The following APOC1 variants were observed in gnomAD, a reference collection of about 807,000 sequenced individuals.
The protein encoded by APOC1 is apolipoprotein C-I.
Under a neutral mutation model 6.7 loss-of-function variants are expected in APOC1, and 4 were observed. The ratio of observed to expected loss-of-function variants is 0.60; its 90% CI spans 0.29 to 1.37. The LOEUF (loss-of-function observed/expected upper bound fraction) is 1.37, where lower values mean the gene tolerates loss of function less well. Among genes scored for constraint, APOC1 ranks in the 40% most tolerant of loss-of-function variants. The pLI, the probability that APOC1 is intolerant of heterozygous loss-of-function variation, is 0.09. For synonymous variants in APOC1, 33 were observed against 40.6 expected, an observed-to-expected ratio of 0.81 and a Z score of 0.72; for missense variants, 122 against 99.4, an observed-to-expected ratio of 1.23 and a Z score of -0.97.
intron 3 of APOC1, among the ~76,000 whole-genome samples, chr19:44,917,428 A>G (rs1348189943): frequency 6.6e-6 from 1 of 151,704 alleles, no homozygotes; most frequent in Non-Finnish European, 1.5e-5. Context: ...TGCAAAAAAA[A>G]TTAGCTGGGC....
At chr19:44,917,980 G>GA (rs777242423) in intron 3 of APOC1, among the ~76,000 whole-genome samples, 26 of 148,602 alleles carry the variant, frequency 1.7e-4, no homozygotes, top group South Asian at 8.6e-4. Flanking sequence ...TGCCAAAAAA[G>GA]AAAAAAAACT....
In APOC1 at chr19:44,916,182, C is replaced by G; in HGVS notation, c.59-8C>G. ...CAAATTTTGAACCCCTGCCCATCTT[C>G]CTGGCAGGCCCAGCCCCAGCCCAGG... On this transcript the variant is annotated splice_region_variant and splice_polypyrimidine_tract_variant and intron_variant, in intron 2 of 3. Coordinates refer to ENST00000592535, the MANE Select transcript of APOC1 (RefSeq NM_001645.5). 6.5e-7 allele frequency: 1 copy of G among 1,537,014 alleles called. No homozygotes were observed.
Position 44,916,221 on chromosome 19 carries a change from C to CTCCA in APOC1, c.91_94dup (p.Ser32IlefsTer6), listed in dbSNP as rs761741993. The stretch of plus-strand genomic sequence containing the variant: ...CCCCAGCCCAGGGGACCCCAGACGT[C>CTCCA]TCCAGTGCCTTGGATAAGCTGAAGG... On this transcript the variant is annotated frameshift_variant, in exon 3 of 4. Coordinates refer to ENST00000592535, the MANE Select transcript of APOC1 (RefSeq NM_001645.5). LOFTEE classifies it high-confidence loss of function. The CTCCA allele has an allele frequency of 6.2e-7, 1 of 1,612,522 alleles. No individual in the cohort carries two copies. Among genetic ancestry groups the CTCCA allele is most frequent in the South Asian group, 1.1e-5 (1 of 91,008 alleles).
At chr19:44,917,711 G>T (rs1034814714) in intron 3 of APOC1, among the ~76,000 whole-genome samples, 1 of 152,142 alleles carries the variant, frequency 6.6e-6, no homozygotes, top group African/African-American at 2.4e-5. Context: ...AGGCACAATG[G>T]CTCACACCTG....
intron 2 of APOC1, 30 bp from the exon 3 acceptor site, chr19:44,916,160 A>C: frequency 6.5e-7 from 1 of 1,538,254 alleles, no homozygotes; most frequent in Non-Finnish European, 8.7e-7. Flanking sequence ...AAAAAAACAA[A>C]TTTTGAACCC....
chr19:44,915,183 G>A lies in APOC1; in HGVS notation c.58+234G>A, dbSNP rs879679001. 3.8e-5 allele frequency: 22 copies of A among 578,902 alleles called. No individual in the cohort carries two copies. The Admixed American group carries it at 6.5e-4, about 17-fold the overall frequency. The allele number at this position is 578,902 out of a possible 1,614,324, so 35.9% of individuals were successfully genotyped here. ...GACGTATTGAGGCCCACACCTCTGG[G>A]ATTGGCTGTCCTGCTTCGACAGCCT... On this transcript the variant is annotated intron_variant, in intron 2 of 3. Coordinates refer to ENST00000592535, the MANE Select transcript of APOC1 (RefSeq NM_001645.5).
intron 3 of APOC1, among the ~76,000 whole-genome samples, chr19:44,917,038 G>C (rs1456413486): frequency 6.6e-6 from 1 of 151,888 alleles, no homozygotes; most frequent in Non-Finnish European, 1.5e-5. Context: ...CCAGACCTGG[G>C]TCCCCAGGCT....
intron 2 of APOC1, among the ~76,000 whole-genome samples, chr19:44,915,850 G>C (rs5119): frequency 6.6e-5 from 10 of 151,756 alleles, no homozygotes; most frequent in Non-Finnish European, 2.9e-5. Context: ...GCGCCTGTAG[G>C]CCCAGCTACT....
In APOC1 at chr19:44,919,274, C is replaced by T. The variant is rs757759532; in HGVS notation, c.*44C>T. On this transcript the variant is annotated 3_prime_UTR_variant, in exon 4 of 4. Transcript: ENST00000592535. ...CCCAGGAGGGGCCTCTGAAATTTCCCACACCCCAGCGCCTGTGCTGAGGAC... is the reference window on the plus strand; with the variant it reads ...CCCAGGAGGGGCCTCTGAAATTTCCTACACCCCAGCGCCTGTGCTGAGGAC... 1.3e-6 allele frequency: 2 copies of T among 1,567,832 alleles called. No individual in the cohort carries two copies. Among genetic ancestry groups the T allele is most frequent in the Admixed American group, 3.3e-5 (2 of 59,870 alleles).
In APOC1 at chr19:44,916,300, C is replaced by T. The variant is rs750075412; in HGVS notation, c.169C>T (p.Gln57Ter). The T allele has an allele frequency of 1.9e-6, 3 of 1,613,988 alleles. No homozygotes were observed. The highest frequency in any genetic ancestry group is 1.7e-6 in the Non-Finnish European group (2 of 1,179,998). Residue 57 changes from glutamine to a stop codon, truncating the protein, a stop_gained, in exon 3 of 4, where the codon CAG becomes TAG. Transcript: ENST00000592535. LOFTEE classifies it low-confidence loss of function (END_TRUNC). The part of the protein sequence containing the change: ...KARELISRIK[Q>*]SELSAKMREW... ...TCGGGAACTCATCAGCCGCATCAAA[C>T]AGAGTGAACTTTCTGCCAAGATGCG...
At chr19:44,915,103 C>G in intron 2 of APOC1, 154 bp downstream of exon 2, 1 of 761,466 alleles carries the variant, frequency 1.3e-6, no homozygotes, top group Non-Finnish European at 2.2e-6. Flanking sequence ...TCCAGGTTCT[C>G]CCAGGCTCAG....
rs186113697 is a variant in APOC1, at chr19:44,916,822, A to C, written c.194+497A>C. On this transcript the variant is annotated intron_variant, in intron 3 of 3. Coordinates refer to ENST00000592535, the MANE Select transcript of APOC1 (RefSeq NM_001645.5). ...GAGACTCTGTCTCAAAAAAAAAAAA[A>C]AAAAAAAAAAAAACAAGATGGTCTT... 9.0e-3 allele frequency among the ~76,000 whole-genome samples: 1,342 copies of C among 149,790 alleles called. 34 individuals are homozygous for C. Among genetic ancestry groups the C allele is most frequent in the African/African-American group, 0.031 (1,250 of 40,592 alleles).
intron 3 of APOC1, among the ~76,000 whole-genome samples, chr19:44,917,931 G>A (rs1355865509): frequency 6.6e-6 from 1 of 151,672 alleles, no homozygotes; most frequent in African/African-American, 2.4e-5. Context: ...CCGAGATCAT[G>A]CCACTGCACT....
At chr19:44,918,672 C>T (rs959213549) in intron 3 of APOC1, among the ~76,000 whole-genome samples, 2 of 147,686 alleles carry the variant, frequency 1.4e-5, no homozygotes, top group Non-Finnish European at 3.0e-5. Context: ...CCACGGCGCC[C>T]GGCCTTATTT....
chr19:44,915,313 TTC>T (rs1491196940), intron 2 of APOC1: 2 of 180,590 alleles, frequency 1.1e-5, no homozygotes, highest in Non-Finnish European at 2.3e-5. Flanking sequence ...TTCCTCCCCA[TTC>T]TTTTTTTTTT....
chr19:44,915,564 C>T (rs1969989640), intron 2 of APOC1, among the ~76,000 whole-genome samples: 5 of 150,922 alleles, frequency 3.3e-5, no homozygotes, highest in African/African-American at 2.4e-5. Flanking sequence ...TCCCAAAGTG[C>T]TGGGATTACA....
intron 3 of APOC1, chr19:44,918,744 C>G (rs922071154): frequency 6.1e-6 from 1 of 164,484 alleles, no homozygotes; most frequent in Non-Finnish European, 1.3e-5. Flanking sequence ...ACTGGAACCT[C>G]CACCTCCCGG....
intron 3 of APOC1, chr19:44,918,896 T>A (rs751287320): frequency 2.3e-6 from 1 of 439,782 alleles, no homozygotes; most frequent in Non-Finnish European, 4.0e-6. Context: ...TGACCTCAAG[T>A]GATCAGCCTA....
At chr19:44,916,968 T>TA (rs753649749) in intron 3 of APOC1, among the ~76,000 whole-genome samples, 3,066 of 134,732 alleles carry the variant, frequency 0.023, 49 homozygotes, top group African/African-American at 0.027. Context: ...TGTCTCCATT[T>TA]AAAAAAAAAA....
Sources: gnomAD v4.1 joint callset for allele counts (sites outside exome capture counted in the v4.1 genomes callset) on GRCh38, gnomAD v4.1.1 for gene constraint, MANE v1.5 for transcripts, NCBI Gene and HGNC (gene_info 2026-07-23, HGNC 2026-07-21) for gene names.